FMNL2: variants seen among roughly 807,000 people sequenced by gnomAD.
FMNL2 encodes the protein formin like 2, also known as formin-like protein 2.
FMNL2 carries 51 observed loss-of-function variants against 130.2 expected under a neutral mutation model. That is an observed-to-expected ratio of 0.39 (90% confidence interval 0.31 to 0.49). The LOEUF (loss-of-function observed/expected upper bound fraction) is 0.49, where lower values mean the gene tolerates loss of function less well. Among genes scored for constraint, FMNL2 ranks in the 20% least tolerant of loss-of-function variants. The pLI is 0.85. For synonymous variants in FMNL2, 465 were observed against 467.1 expected, an observed-to-expected ratio of 1.00 and a Z score of 0.06; for missense variants, 977 against 1,316.2, an observed-to-expected ratio of 0.74 and a Z score of 3.99.
intron 8 of FMNL2, among the ~76,000 whole-genome samples, chr2:152,579,447 C>T (rs186853330): frequency 6.6e-6 from 1 of 152,222 alleles, no homozygotes; most frequent in South Asian, 2.1e-4. Flanking sequence ...CCTGTAATCT[C>T]AGCACTTTGG....
At chr2:152,398,682 C>T (rs1198366818) in intron 1 of FMNL2, among the ~76,000 whole-genome samples, 2 of 152,152 alleles carry the variant, frequency 1.3e-5, no homozygotes, top group Non-Finnish European at 2.9e-5. Context: ...CTTCTATACA[C>T]AGTTATGAGA....
chr2:152,583,233 G>A (rs752331239), intron 9 of FMNL2, among the ~76,000 whole-genome samples: 1 of 152,190 alleles, frequency 6.6e-6, no homozygotes, highest in Non-Finnish European at 1.5e-5. Context: ...AATCAGGAGT[G>A]ATGGTAGGTC....
At position 152,375,758 on chromosome 2, in the gene FMNL2, C is replaced by T. The variant is rs111368783; in HGVS notation, c.117+40038C>T. 1.5e-4 allele frequency among the ~76,000 whole-genome samples: 22 copies of T among 151,264 alleles called. 1 individual carries two copies. The highest frequency in any genetic ancestry group is 4.9e-4 in the African/African-American group (20 of 41,230). On this transcript the variant is annotated intron_variant, in intron 1 of 25. Transcript: ENST00000288670. ...CAAATGGACAGTTGTATCCTCCTGC[C>T]ATTGCTTTGTTATGATTATCTAGGA...
intron 1 of FMNL2, among the ~76,000 whole-genome samples, chr2:152,399,047 C>G (rs1685544225): frequency 6.6e-6 from 1 of 152,180 alleles, no homozygotes; most frequent in African/African-American, 2.4e-5. Flanking sequence ...GGTGCTGCCC[C>G]AGAGCAGCAG....
chr2:152,645,761 T>C (rs915280312), intron 25 of FMNL2, among the ~76,000 whole-genome samples: 1 of 152,178 alleles, frequency 6.6e-6, no homozygotes, highest in African/African-American at 2.4e-5. Context: ...GCTTTGAGTG[T>C]TGGGCTGTCC....
At chr2:152,568,304 C>G (rs1218681292) in intron 6 of FMNL2, among the ~76,000 whole-genome samples, 1 of 146,518 alleles carries the variant, frequency 6.8e-6, no homozygotes, top group Non-Finnish European at 1.5e-5. Flanking sequence ...CAACCTCCAC[C>G]TCCCAGGTTC....
chr2:152,557,600 C>CA (rs1194864290), intron 4 of FMNL2, among the ~76,000 whole-genome samples: 1 of 152,260 alleles, frequency 6.6e-6, no homozygotes, highest in East Asian at 1.9e-4. Flanking sequence ...AACAAACAAA[C>CA]AAAAAACCAA....
intron 9 of FMNL2, among the ~76,000 whole-genome samples, chr2:152,601,671 C>CTTTTTTTTTTTTT (rs34914295): frequency 9.7e-6 from 1 of 103,470 alleles, no homozygotes; most frequent in Admixed American, 9.8e-5. Context: ...TCTTTTCTTT[C>CTTTTTTTTTTTTT]TTTTTTTTTT....
chr2:152,587,825 C>T (rs1361245917), intron 9 of FMNL2, among the ~76,000 whole-genome samples: 2 of 152,210 alleles, frequency 1.3e-5, no homozygotes, highest in Non-Finnish European at 2.9e-5. Context: ...GAAAATGAAT[C>T]AGACATATGC....
chr2:152,576,254 T>A (rs1025207528), intron 7 of FMNL2, among the ~76,000 whole-genome samples: 3 of 152,166 alleles, frequency 2.0e-5, no homozygotes, highest in African/African-American at 7.2e-5. Flanking sequence ...TCCATTTTTT[T>A]TTGAACTTTG....
At chr2:152,402,612 C>A (rs1227870548) in intron 1 of FMNL2, among the ~76,000 whole-genome samples, 1 of 152,140 alleles carries the variant, frequency 6.6e-6, no homozygotes, top group Admixed American at 6.5e-5. Context: ...TGAATTTGGC[C>A]AGGTTCATTC....
chr2:152,397,190 T>G (rs2105948210), intron 1 of FMNL2, among the ~76,000 whole-genome samples: 1 of 152,294 alleles, frequency 6.6e-6, no homozygotes. Context: ...GGAGGAAAAT[T>G]GAGAAGAAAT....
At chr2:152,613,881 C>T (rs1040748958) in intron 11 of FMNL2, among the ~76,000 whole-genome samples, 3 of 152,124 alleles carry the variant, frequency 2.0e-5, no homozygotes, top group Non-Finnish European at 2.9e-5. Flanking sequence ...ATTTATTTGA[C>T]CTCTAATTTC....
intron 2 of FMNL2, among the ~76,000 whole-genome samples, chr2:152,533,947 A>G (rs900381764): frequency 1.3e-5 from 2 of 152,082 alleles, no homozygotes; most frequent in Non-Finnish European, 2.9e-5. Context: ...CCACCACTTC[A>G]TTTATGCCTT....
intron 9 of FMNL2, among the ~76,000 whole-genome samples, chr2:152,592,970 C>G (rs1697518748): frequency 6.6e-6 from 1 of 152,148 alleles, no homozygotes; most frequent in African/African-American, 2.4e-5. Context: ...ACAGACCATA[C>G]TGTTTGTACA....
chr2:152,385,681 C>A (rs951639489), intron 1 of FMNL2, among the ~76,000 whole-genome samples: 6 of 152,186 alleles, frequency 3.9e-5, no homozygotes, highest in African/African-American at 1.4e-4. Context: ...TTGGTCTCTG[C>A]AGAAGTTTGC....
intron 1 of FMNL2, among the ~76,000 whole-genome samples, chr2:152,429,410 C>T (rs1344137707): frequency 6.6e-6 from 1 of 152,094 alleles, no homozygotes; most frequent in Non-Finnish European, 1.5e-5. Flanking sequence ...CTGGAAATAA[C>T]TTCCTGCCTC....
chr2:152,645,503 C>T (rs976719453), intron 25 of FMNL2: 19 of 1,290,036 alleles, frequency 1.5e-5, no homozygotes, highest in Middle Eastern at 2.1e-4. Context: ...TCTAGCACAC[C>T]GGTGGTGGAG....
At chr2:152,619,839 A>G in intron 15 of FMNL2, 121 bp downstream of exon 15, 1 of 1,479,694 alleles carries the variant, frequency 6.8e-7, no homozygotes. Context: ...TTCCTAGTAT[A>G]AGAAATTCCT....
Sources: gnomAD v4.1 joint callset for allele counts (sites outside exome capture counted in the v4.1 genomes callset) on GRCh38, gnomAD v4.1.1 for gene constraint, MANE v1.5 for transcripts, NCBI Gene and HGNC (gene_info 2026-07-23, HGNC 2026-07-21) for gene names.